The following WDR44 variants were observed in gnomAD, a reference collection of about 807,000 sequenced individuals.
WDR44 encodes WD repeat-containing protein 44.
A neutral mutation model predicts 65.7 loss-of-function variants in WDR44; 9 were observed. The observed-to-expected ratio is 0.14, with a 90% CI of 0.08 to 0.24. The LOEUF (loss-of-function observed/expected upper bound fraction) is 0.24. Among genes scored for constraint, WDR44 ranks in the 10% least tolerant of loss-of-function variants. WDR44 has a pLI of 1.00. For synonymous variants in WDR44, 220 were observed against 235.2 expected (o/e 0.94, Z 0.59); for missense variants, 425 against 670.9 (o/e 0.63, Z 4.05).
chrX:118,358,344 T>C (rs1347793932), intron 1 of WDR44, among the ~76,000 whole-genome samples: 1 of 112,143 alleles, frequency 8.9e-6, no homozygotes, highest in African/African-American at 3.2e-5. Flanking sequence ...CAAACTTTTT[T>C]AACTCTTAAA....
At chrX:118,388,496 G>A in intron 3 of WDR44, among the ~76,000 whole-genome samples, 2 of 111,131 alleles carry the variant, frequency 1.8e-5, no homozygotes, top group South Asian at 7.7e-4. Flanking sequence ...TCCCAGGCTG[G>A]TCTTGAAATT....
chrX:118,391,481 T>A (rs2056819782), intron 3 of WDR44, among the ~76,000 whole-genome samples: 1 of 112,075 alleles, frequency 8.9e-6, no homozygotes, highest in African/African-American at 3.2e-5. Flanking sequence ...CATGAAATTG[T>A]AGTAAACCAG....
At chrX:118,364,698 C>A (rs1308816692) in intron 1 of WDR44, among the ~76,000 whole-genome samples, 1 of 112,064 alleles carries the variant, frequency 8.9e-6, no homozygotes, top group Non-Finnish European at 1.9e-5. Context: ...GAGATTGTGG[C>A]TTTAGAAATA....
intron 12 of WDR44, among the ~76,000 whole-genome samples, chrX:118,428,458 A>G (rs2057178457): frequency 9.0e-6 from 1 of 111,556 alleles, no homozygotes; most frequent in Admixed American, 9.6e-5. Flanking sequence ...ATTTATAGAT[A>G]AAAGACTTTG....
chrX:118,354,614 A>G (rs911360652), intron 1 of WDR44, among the ~76,000 whole-genome samples: 2 of 110,962 alleles, frequency 1.8e-5, no homozygotes, highest in African/African-American at 3.3e-5. Flanking sequence ...GAAAACTTGA[A>G]TGGTATTTTT....
In WDR44 at chrX:118,346,241, A is replaced by G; in HGVS notation, c.-263A>G. On this transcript the variant is annotated 5_prime_UTR_variant, in exon 1 of 20. Transcript: ENST00000254029. ...CCTCTTTCGCGCTCCTTATACACCTATCACTGGGAGCGGTGGCAGCAACAT... is the reference window on the plus strand; with the variant it reads ...CCTCTTTCGCGCTCCTTATACACCTGTCACTGGGAGCGGTGGCAGCAACAT... The G allele has an allele frequency of 2.6e-6, 1 of 390,301 alleles. No homozygotes were observed. The highest frequency in any genetic ancestry group is 4.4e-6 in the Non-Finnish European group (1 of 225,850). The allele number at this position is 390,301 out of a possible 1,213,427, so 32.2% of individuals were successfully genotyped here.
chrX:118,352,954 C>T (rs1044638944), intron 1 of WDR44, among the ~76,000 whole-genome samples: 2 of 111,757 alleles, frequency 1.8e-5, no homozygotes, highest in Non-Finnish European at 1.9e-5. Context: ...AACCCCTTCT[C>T]TAAGAGATTA....
chrX:118,394,321 T>C, intron 5 of WDR44, 136 bp downstream of exon 5: 5 of 888,670 alleles, frequency 5.6e-6, no homozygotes, highest in Non-Finnish European at 7.6e-6. Context: ...CTTCTCTTGA[T>C]CAGCTCTGCT....
intron 12 of WDR44, among the ~76,000 whole-genome samples, chrX:118,427,775 C>T (rs1219107615): frequency 1.3e-3 from 142 of 105,691 alleles, no homozygotes; most frequent in Non-Finnish European, 2.4e-3. Context: ...CCTGGGTTCA[C>T]GCTATTCTCC....
intron 3 of WDR44, among the ~76,000 whole-genome samples, chrX:118,387,741 A>G (rs1377544357): frequency 8.9e-6 from 1 of 111,791 alleles, no homozygotes; most frequent in Non-Finnish European, 1.9e-5. Context: ...GTGCAGCAAC[A>G]TTCTGATGTC....
chrX:118,383,272 A>G (rs1157906731), intron 2 of WDR44, among the ~76,000 whole-genome samples: 1 of 111,544 alleles, frequency 9.0e-6, no homozygotes, highest in Non-Finnish European at 1.9e-5. Flanking sequence ...CTAGTGTAGG[A>G]ATGTTAATCT....
At chrX:118,409,732 T>C (rs1321127597) in intron 11 of WDR44, 105 bp downstream of exon 11, 3 of 835,184 alleles carry the variant, frequency 3.6e-6, no homozygotes, top group South Asian at 2.9e-5. Flanking sequence ...CCACTACTTA[T>C]GATAATAGCC....
chrX:118,397,876 A>G (rs951870649), intron 7 of WDR44, among the ~76,000 whole-genome samples: 1 of 112,252 alleles, frequency 8.9e-6, no homozygotes, highest in Non-Finnish European at 1.9e-5. Context: ...TTGTACATTG[A>G]ACCTTGCTTA....
intron 1 of WDR44, among the ~76,000 whole-genome samples, chrX:118,369,491 ATG>A (rs1266871308): frequency 3.5e-5 from 3 of 86,062 alleles, no homozygotes; most frequent in South Asian, 6.6e-4. Context: ...TTTTTTTGAA[ATG>A]GAGTCTTGCT....
At chrX:118,400,067 G>A (rs1442013614) in intron 8 of WDR44, among the ~76,000 whole-genome samples, 1 of 107,529 alleles carries the variant, frequency 9.3e-6, no homozygotes, top group African/African-American at 3.5e-5. Context: ...CGGCCTGGGT[G>A]ACAGAGCAAG....
intron 1 of WDR44, among the ~76,000 whole-genome samples, chrX:118,368,925 G>A (rs2056581516): frequency 9.4e-6 from 1 of 105,887 alleles, no homozygotes; most frequent in Admixed American, 1.0e-4. Flanking sequence ...ATGGGATTTC[G>A]CCACATTGGC....
chrX:118,444,062 A>G (rs2057325323), intron 18 of WDR44, among the ~76,000 whole-genome samples: 2 of 111,109 alleles, frequency 1.8e-5, no homozygotes, highest in Non-Finnish European at 3.8e-5. Context: ...AGACAAAAAA[A>G]AAGAAGAAGT....
intron 4 of WDR44, 24 bp from the exon 5 acceptor site, chrX:118,394,031 T>C (rs1261577251): frequency 8.4e-7 from 1 of 1,185,203 alleles, no homozygotes; most frequent in African/African-American, 1.8e-5. Flanking sequence ...GTTGTTATTA[T>C]TGTTGTTATT....
chrX:118,436,663 C>A (rs1387162641), intron 13 of WDR44, 39 bp from the exon 14 acceptor site: 2 of 1,169,012 alleles, frequency 1.7e-6, no homozygotes, highest in Non-Finnish European at 1.1e-6. Flanking sequence ...GGTTCTTTTT[C>A]ATATAGTGAT....
Sources: gnomAD v4.1 joint callset for allele counts (sites outside exome capture counted in the v4.1 genomes callset) on GRCh38, gnomAD v4.1.1 for gene constraint, MANE v1.5 for transcripts, NCBI Gene and HGNC (gene_info 2026-07-23, HGNC 2026-07-21) for gene names.